The following PALM2AKAP2 variants were observed in gnomAD, a reference collection of about 807,000 sequenced individuals.
PALM2AKAP2 encodes the protein PALM2-AKAP2 fusion protein.
PALM2AKAP2 carries 37 observed loss-of-function variants against 71.5 expected under a neutral mutation model. The observed-to-expected ratio is 0.52, with a 90% CI of 0.40 to 0.68. The LOEUF (loss-of-function observed/expected upper bound fraction) is 0.68. Ranked by LOEUF, PALM2AKAP2 falls within the 30% of genes least tolerant of loss-of-function variation. The pLI is 0.00. For synonymous variants in PALM2AKAP2, 468 were observed against 478.8 expected (o/e 0.98, Z 0.29); for missense variants, 1,224 against 1,191.8 (o/e 1.03, Z -0.40).
chr9:109,893,025 C>T (rs1175781738), intron 3 of PALM2AKAP2, among the ~76,000 whole-genome samples: 2 of 152,194 alleles, frequency 1.3e-5, no homozygotes, highest in African/African-American at 4.8e-5. Context: ...CTGAGATTAG[C>T]ATGGCATTCC....
intron 1 of PALM2AKAP2, among the ~76,000 whole-genome samples, chr9:110,113,779 T>A (rs1259123635): frequency 6.6e-6 from 1 of 152,084 alleles, no homozygotes; most frequent in Non-Finnish European, 1.5e-5. Flanking sequence ...GTGATCCACC[T>A]GCCTCGGCCT....
At chr9:109,777,096 G>A (rs1019441477), upstream of PALM2AKAP2, among the ~76,000 whole-genome samples, 6 of 152,146 alleles carry the variant, frequency 3.9e-5, no homozygotes, top group African/African-American at 1.4e-4. Context: ...CTTTACAAAC[G>A]ATTTCTATTT....
intron 1 of PALM2AKAP2, among the ~76,000 whole-genome samples, chr9:109,799,596 T>C (rs1827361854): frequency 6.6e-6 from 1 of 152,176 alleles, no homozygotes; most frequent in South Asian, 2.1e-4. Context: ...TGCGCTCAAG[T>C]GATCCTCTCA....
intron 1 of PALM2AKAP2, among the ~76,000 whole-genome samples, chr9:109,853,818 T>C (rs1446280920): frequency 1.3e-5 from 2 of 152,234 alleles, no homozygotes; most frequent in Non-Finnish European, 2.9e-5. Flanking sequence ...TAAACTGTAA[T>C]CTTTTGTATT....
At chr9:109,834,440 G>C (rs1828396360) in intron 1 of PALM2AKAP2, among the ~76,000 whole-genome samples, 1 of 152,170 alleles carries the variant, frequency 6.6e-6, no homozygotes, top group South Asian at 2.1e-4. Context: ...GAGAGTCTTA[G>C]CAGGCTTGCC....
chr9:109,806,515 T>C (rs1357145965), intron 1 of PALM2AKAP2, among the ~76,000 whole-genome samples: 1 of 152,226 alleles, frequency 6.6e-6, no homozygotes, highest in Non-Finnish European at 1.5e-5. Context: ...ATATATACTA[T>C]GTTTGTATAG....
chr9:109,657,450 A>AG (rs1202766590), intron 1 of PALM2AKAP2, among the ~76,000 whole-genome samples: 85 of 72,618 alleles, frequency 1.2e-3, no homozygotes, highest in African/African-American at 6.8e-3. Flanking sequence ...GCAATATGGT[A>AG]TTTGTGTGTG....
intron 1 of PALM2AKAP2, among the ~76,000 whole-genome samples, chr9:109,851,206 C>CAA (rs1376882715): frequency 0.014 from 720 of 52,876 alleles, 5 homozygotes; most frequent in East Asian, 0.11. Flanking sequence ...ACAACAACAA[C>CAA]AACAAAAAAA....
At chr9:109,663,839 T>A (rs1827437939) in intron 1 of PALM2AKAP2, among the ~76,000 whole-genome samples, 1 of 152,178 alleles carries the variant, frequency 6.6e-6, no homozygotes, top group Non-Finnish European at 1.5e-5. Flanking sequence ...TTTGTAGGTC[T>A]CTAAGGACTT....
rs1318132445 is a variant in PALM2AKAP2, at chr9:110,102,197, C to T, written c.157-33930C>T. ...CTACCTCTGTAGGACGGCTTTGTGT[C>T]TCCTCTGCATTTTCAGCCTCCATTG... On this transcript the variant is annotated intron_variant, in intron 1 of 3. Coordinates refer to ENST00000374525, the Ensembl canonical transcript of PALM2AKAP2. Among the ~76,000 whole-genome samples the T allele has an allele frequency of 2.0e-5, 3 of 152,052 alleles. No individual in the cohort carries two copies. The East Asian group carries it at 5.8e-4, about 29-fold the overall frequency.
At chr9:109,720,252 G>A (rs919818315) in intron 1 of PALM2AKAP2, among the ~76,000 whole-genome samples, 9 of 152,134 alleles carry the variant, frequency 5.9e-5, no homozygotes, top group East Asian at 3.9e-4. Flanking sequence ...GCTTCCCAAA[G>A]TGCTGGGATT....
At chr9:109,786,797 T>TG (rs1826980731) in intron 1 of PALM2AKAP2, among the ~76,000 whole-genome samples, 1 of 145,698 alleles carries the variant, frequency 6.9e-6, no homozygotes, top group Non-Finnish European at 1.6e-5. Flanking sequence ...GCAGTTATCA[T>TG]GGAAAAAAAA....
At position 109,941,872 on chromosome 9, in the gene PALM2AKAP2, A is replaced by G. The variant is rs149720581; in HGVS notation, c.496+9844A>G. On this transcript the variant is annotated intron_variant, in intron 6 of 9. Coordinates refer to the PALM2AKAP2 transcript ENST00000302798. ...CAACAATCTAGGGAAGAGGAAGTGA[A>G]TGTCTTACATTGACCAGTAGCAATG... Among the ~76,000 whole-genome samples the G allele has an allele frequency of 7.6e-4, 116 of 152,324 alleles. 1 individual carries two copies. Among genetic ancestry groups the G allele is most frequent in the African/African-American group, 2.5e-3 (105 of 41,574 alleles).
intron 3 of PALM2AKAP2, among the ~76,000 whole-genome samples, chr9:110,161,622 C>T (rs60182258): frequency 9.3e-4 from 141 of 152,284 alleles, no homozygotes; most frequent in African/African-American, 3.3e-3. Context: ...GAGAATCTGC[C>T]TCCACAAACC....
chr9:109,719,300 A>G (rs1273527682), intron 1 of PALM2AKAP2, among the ~76,000 whole-genome samples: 2 of 152,230 alleles, frequency 1.3e-5, no homozygotes, highest in Non-Finnish European at 2.9e-5. Context: ...TTAGGAAGGT[A>G]CAATACATGA....
At chr9:109,868,275 A>G (rs1157829983) in intron 2 of PALM2AKAP2, among the ~76,000 whole-genome samples, 1 of 152,218 alleles carries the variant, frequency 6.6e-6, no homozygotes, top group Non-Finnish European at 1.5e-5. Flanking sequence ...ACAGCTCAGG[A>G]GAAAGCTCTG....
rs141426205 is a variant in PALM2AKAP2, at chr9:110,066,444, C to T, written c.156+17589C>T. Among the ~76,000 whole-genome samples, 23 of 152,278 alleles carry T rather than the reference C, an allele frequency of 1.5e-4. No homozygotes were observed. The East Asian group carries it at 4.4e-3, about 29-fold the overall frequency. ...GGGCGTGGTGATTCATGCCTGTAAT[C>T]CCAGCACTTTGGGAGGCTAAGGCAG... On this transcript the variant is annotated intron_variant, in intron 1 of 3. Coordinates refer to ENST00000374525, the Ensembl canonical transcript of PALM2AKAP2.
At chr9:109,810,888 G>T (rs1827710865) in intron 1 of PALM2AKAP2, among the ~76,000 whole-genome samples, 1 of 152,210 alleles carries the variant, frequency 6.6e-6, no homozygotes, top group African/African-American at 2.4e-5. Context: ...CACAGAATGA[G>T]TGCAGGTGTG....
intron 2 of PALM2AKAP2, among the ~76,000 whole-genome samples, chr9:110,144,861 G>T (rs1345413774): frequency 6.6e-6 from 1 of 152,150 alleles, no homozygotes; most frequent in Non-Finnish European, 1.5e-5. Flanking sequence ...CTTTTTCAAA[G>T]AATTACTACT....
Sources: allele counts gnomAD v4.1 joint callset (sites outside exome capture counted in the v4.1 genomes callset), GRCh38; gene constraint gnomAD v4.1.1; transcripts MANE v1.5; gene names NCBI Gene and HGNC (gene_info 2026-07-23, HGNC 2026-07-21).